The following PLCB1 variants were observed in gnomAD, a reference collection of about 807,000 sequenced individuals.
The protein encoded by PLCB1 is 1-phosphatidylinositol 4,5-bisphosphate phosphodiesterase beta-1.
PLCB1 carries 46 observed loss-of-function variants against 161.8 expected under a neutral mutation model. The ratio of observed to expected loss-of-function variants is 0.28; its 90% confidence interval spans 0.22 to 0.36. PLCB1 has a LOEUF of 0.36. PLCB1 is among the 10% of genes least tolerant of loss of function. The pLI is 1.00. For missense variants in PLCB1, 1,016 were observed against 1,472.5 expected, an observed-to-expected ratio of 0.69 and a Z score of 5.07; for synonymous variants, 517 against 503.7, an observed-to-expected ratio of 1.03 and a Z score of -0.35.
At chr20:8,674,322 G>T (rs540867251) in intron 9 of PLCB1, among the ~76,000 whole-genome samples, 2 of 152,300 alleles carry the variant, frequency 1.3e-5, no homozygotes, top group South Asian at 4.1e-4. Flanking sequence ...GGTAATATTT[G>T]AGGAGACTCT....
chr20:8,682,777 C>T (rs1466304609), intron 9 of PLCB1, among the ~76,000 whole-genome samples: 1 of 152,048 alleles, frequency 6.6e-6, no homozygotes, highest in Non-Finnish European at 1.5e-5. Context: ...TTTTATATAC[C>T]ATTGGTGAAA....
At chr20:8,537,075 A>C (rs146200739) in intron 3 of PLCB1, among the ~76,000 whole-genome samples, 1 of 152,216 alleles carries the variant, frequency 6.6e-6, no homozygotes, top group Non-Finnish European at 1.5e-5. Flanking sequence ...GTCTGCAGCA[A>C]CCTCAATTCT....
Position 8,547,851 on chromosome 20 carries a change from A to G in PLCB1, c.247-80443A>G, listed in dbSNP as rs147993090. On this transcript the variant is annotated intron_variant, in intron 3 of 31. Transcript: ENST00000338037. ...TCAAAATCCTTATGCAGGACCTTGA[A>G]GGCTCTACATGCTCTAGCCCCACTC... 4.5e-3 allele frequency among the ~76,000 whole-genome samples: 685 copies of G among 152,314 alleles called. 5 individuals carry two copies. Among genetic ancestry groups the G allele is most frequent in the African/African-American group, 0.016 (653 of 41,568 alleles).
At chr20:8,486,879 A>G (rs1268199722) in intron 3 of PLCB1, among the ~76,000 whole-genome samples, 2 of 152,220 alleles carry the variant, frequency 1.3e-5, no homozygotes, top group Non-Finnish European at 2.9e-5. Flanking sequence ...TTATCTATCA[A>G]AGAGGCTTCT....
chr20:8,215,157 A>G (rs16994506), intron 2 of PLCB1, among the ~76,000 whole-genome samples: 8,207 of 151,984 alleles, frequency 0.054, 275 homozygotes, highest in Middle Eastern at 0.14. Context: ...TGATCTCTTG[A>G]CCTTCTGAAA....
At chr20:8,727,158 GAA>G (rs988493259) in intron 16 of PLCB1, 149 bp from the exon 17 acceptor site, 1 of 537,152 alleles carries the variant, frequency 1.9e-6, no homozygotes, top group African/African-American at 1.9e-5. Context: ...TAGTGCACTA[GAA>G]AAAAAAATTA....
chr20:8,649,256 T>G, intron 6 of PLCB1, 118 bp from the exon 7 acceptor site: 1 of 646,958 alleles, frequency 1.5e-6, no homozygotes, highest in Non-Finnish European at 2.8e-6. Flanking sequence ...TTTTAGTTCT[T>G]TAAATATGAA....
intron 3 of PLCB1, among the ~76,000 whole-genome samples, chr20:8,502,638 G>A (rs987828023): frequency 3.6e-4 from 54 of 151,994 alleles, no homozygotes; most frequent in African/African-American, 1.2e-3. Context: ...TTGGTAAATT[G>A]GTAGTTACTC....
At chr20:8,267,959 T>TCTA (rs1555794067) in intron 2 of PLCB1, among the ~76,000 whole-genome samples, 1 of 148,662 alleles carries the variant, frequency 6.7e-6, no homozygotes, top group Non-Finnish European at 1.5e-5. Flanking sequence ...TCCATCTGTC[T>TCTA]TTATTATTAT....
At chr20:8,571,455 C>T (rs529315098) in intron 3 of PLCB1, among the ~76,000 whole-genome samples, 25 of 151,842 alleles carry the variant, frequency 1.6e-4, no homozygotes, top group African/African-American at 5.8e-4. Context: ...GCATTCCAGC[C>T]GGGGTGACCA....
intron 3 of PLCB1, among the ~76,000 whole-genome samples, chr20:8,391,257 A>C (rs936754175): frequency 6.6e-6 from 1 of 152,084 alleles, no homozygotes; most frequent in Non-Finnish European, 1.5e-5. Context: ...TGTATTAGCT[A>C]TAGAAAAATG....
chr20:8,446,347 A>C (rs1277545505), intron 3 of PLCB1, among the ~76,000 whole-genome samples: 1 of 152,198 alleles, frequency 6.6e-6, no homozygotes, highest in African/African-American at 2.4e-5. Flanking sequence ...GCCCTTTGAC[A>C]CAATTCAACA....
intron 2 of PLCB1, among the ~76,000 whole-genome samples, chr20:8,307,815 G>C (rs867791215): frequency 6.8e-6 from 1 of 146,524 alleles, no homozygotes; most frequent in Non-Finnish European, 1.5e-5. Flanking sequence ...CCAGCTACTC[G>C]GGAGGCTGAA....
chr20:8,244,355 G>C, intron 2 of PLCB1, among the ~76,000 whole-genome samples: 1 of 151,964 alleles, frequency 6.6e-6, no homozygotes, highest in South Asian at 2.1e-4. Flanking sequence ...CAATTGGATA[G>C]ATAAACAAAT....
Position 8,628,343 on chromosome 20 carries a change from A to G in PLCB1, c.296A>G (p.Glu99Gly). Residue 99 changes from glutamate to glycine, a missense_variant, in exon 4 of 32, where the codon GAG (glutamate) becomes GGG (glycine). By Grantham distance (98) the Glu-to-Gly change is moderately conservative. Around this residue, in one of 10 missense-constraint regions of PLCB1, gnomAD observed 181 missense variants for 236.7 expected, o/e 0.76. Coordinates refer to ENST00000338037, the MANE Select transcript of PLCB1 (RefSeq NM_015192.4). ...LLDVGNIGRL[E>G]QRMITVVYGP... ...GATGTGGGGAACATCGGGCGCCTGGAGCAGCGCATGATCACAGTGGTGTAT... is the reference window on the plus strand; with the variant it reads ...GATGTGGGGAACATCGGGCGCCTGGGGCAGCGCATGATCACAGTGGTGTAT... 1.2e-6 allele frequency: 2 copies of G among 1,613,712 alleles called. No homozygotes were observed. Among genetic ancestry groups the G allele is most frequent in the Non-Finnish European group, 1.7e-6 (2 of 1,179,634 alleles).
chr20:8,361,019 A>G (rs1333431298), intron 2 of PLCB1, among the ~76,000 whole-genome samples: 3 of 152,240 alleles, frequency 2.0e-5, no homozygotes, highest in Admixed American at 1.3e-4. Context: ...AAGTCACCAG[A>G]TATGCCATAC....
chr20:8,515,440 C>T (rs1458049712), intron 3 of PLCB1, among the ~76,000 whole-genome samples: 2 of 152,190 alleles, frequency 1.3e-5, no homozygotes, highest in Admixed American at 6.5e-5. Context: ...CACATAGATG[C>T]TGTGAGCGTG....
At chr20:8,796,209 A>G (rs1984019141) in intron 31 of PLCB1, among the ~76,000 whole-genome samples, 1 of 152,122 alleles carries the variant, frequency 6.6e-6, no homozygotes, top group Non-Finnish European at 1.5e-5. Flanking sequence ...TCATGTAGCT[A>G]CTGGCTCTTT....
chr20:8,720,098 G>GT (rs1979544351), intron 14 of PLCB1, among the ~76,000 whole-genome samples: 1 of 152,166 alleles, frequency 6.6e-6, no homozygotes, highest in Admixed American at 6.5e-5. Flanking sequence ...TTGGAAGTGA[G>GT]TATCATTAAC....
Sources: gnomAD v4.1 joint callset for allele counts (sites outside exome capture counted in the v4.1 genomes callset) on GRCh38, gnomAD v4.1.1 for gene constraint, gnomAD v4.1.1 regional missense constraint, MANE v1.5 for transcripts, NCBI Gene and HGNC (gene_info 2026-07-23, HGNC 2026-07-21) for gene names.